Variants in TGFA observed in about 807,000 individuals in gnomAD.
The protein encoded by TGFA is transforming growth factor alpha.
In TGFA, 12 loss-of-function variants were observed where a neutral mutation model predicts 21.7. The observed-to-expected ratio is 0.55, with a 90% CI of 0.35 to 0.90. The LOEUF (loss-of-function observed/expected upper bound fraction) is 0.90, where lower values mean the gene tolerates loss of function less well. Ranked by LOEUF, TGFA falls within the 40% of genes least tolerant of loss-of-function variation. The probability of loss-of-function intolerance (pLI) is 0.01; values close to 1 mark genes in which losing one functional copy is unlikely to be tolerated. For missense variants in TGFA, 178 were observed against 210.8 expected (o/e 0.84, Z 0.96); for synonymous variants, 79 against 88.1 (o/e 0.90, Z 0.58).
intron 1 of TGFA, among the ~76,000 whole-genome samples, chr2:70,515,224 A>AT (rs769573739): frequency 3.5e-4 from 53 of 152,074 alleles, no homozygotes; most frequent in Non-Finnish European, 6.8e-4. Context: ...ATAAATATAT[A>AT]TTTTTTTATG....
In TGFA at chr2:70,465,605, G is replaced by A. The variant is rs1553492048; in HGVS notation, c.215+11C>T. 1 of 1,614,088 alleles carries A rather than the reference G, an allele frequency of 6.2e-7. No individual in the cohort carries two copies. The highest frequency in any genetic ancestry group is 1.3e-5 in the African/African-American group (1 of 75,020). ...CAGCCCCAGATCTCCAGGAGAACAG[G>A]GGATACTTACACACATGCTGGCTTG... On this transcript the variant is annotated intron_variant, in intron 3 of 5. Coordinates refer to ENST00000295400, the MANE Select transcript of TGFA (RefSeq NM_003236.4).
At chr2:70,545,605 T>C (rs186881621) in intron 1 of TGFA, among the ~76,000 whole-genome samples, 19 of 152,260 alleles carry the variant, frequency 1.2e-4, no homozygotes, top group Admixed American at 9.2e-4. Flanking sequence ...AGAAAAATTA[T>C]AGATAAAATA....
intron 1 of TGFA, among the ~76,000 whole-genome samples, chr2:70,519,698 C>G (rs950440268): frequency 6.6e-6 from 1 of 152,210 alleles, no homozygotes; most frequent in African/African-American, 2.4e-5. Flanking sequence ...ATGATTATGA[C>G]ATCACAGGAA....
chr2:70,553,154 C>G (rs919098556), intron 1 of TGFA: 14 of 1,535,222 alleles, frequency 9.1e-6, no homozygotes, highest in Middle Eastern at 1.7e-4. Flanking sequence ...TTAAAGGAAC[C>G]ATTAATCCGC....
intron 2 of TGFA, among the ~76,000 whole-genome samples, chr2:70,512,945 G>T (rs2103849470): frequency 6.6e-6 from 1 of 152,300 alleles, no homozygotes; most frequent in South Asian, 2.1e-4. Context: ...CAGGAGGAAG[G>T]CTTCACCAGA....
intron 3 of TGFA, among the ~76,000 whole-genome samples, chr2:70,461,204 T>G (rs1323655019): frequency 6.6e-6 from 1 of 152,218 alleles, no homozygotes; most frequent in Non-Finnish European, 1.5e-5. Flanking sequence ...TGCCTTTAAC[T>G]GTGCTGTCCT....
chr2:70,548,780 C>T (rs17695836), intron 1 of TGFA, among the ~76,000 whole-genome samples: 13,408 of 152,180 alleles, frequency 0.088, 770 homozygotes, highest in Middle Eastern at 0.18. Flanking sequence ...ACGTGTAATC[C>T]TTAACAGAAT....
intron 1 of TGFA, among the ~76,000 whole-genome samples, chr2:70,532,550 G>A (rs185685172): frequency 4.5e-4 from 68 of 152,326 alleles, no homozygotes; most frequent in African/African-American, 1.6e-3. Flanking sequence ...TCACAAGGGC[G>A]GCTGGTGCCG....
At chr2:70,460,375 CT>C in intron 3 of TGFA, among the ~76,000 whole-genome samples, 1 of 94,152 alleles carries the variant, frequency 1.1e-5, no homozygotes, top group South Asian at 2.9e-4. Context: ...TGGTGACATA[CT>C]TTTTTTAAAA....
At chr2:70,491,360 G>A (rs1468668945) in intron 2 of TGFA, among the ~76,000 whole-genome samples, 2 of 152,162 alleles carry the variant, frequency 1.3e-5, no homozygotes, top group African/African-American at 2.4e-5. Flanking sequence ...TCAGTAAAGT[G>A]TGGGGGGCCC....
At chr2:70,526,468 A>C (rs571566252) in intron 1 of TGFA, among the ~76,000 whole-genome samples, 29 of 152,358 alleles carry the variant, frequency 1.9e-4, no homozygotes, top group African/African-American at 5.8e-4. Flanking sequence ...AGCCACGTGT[A>C]GCAAAGCTGT....
At chr2:70,523,836 G>A (rs1672551464) in intron 1 of TGFA, among the ~76,000 whole-genome samples, 1 of 152,156 alleles carries the variant, frequency 6.6e-6, no homozygotes, top group African/African-American at 2.4e-5. Context: ...TAGAGTCAAT[G>A]CCACTAACAA....
In TGFA at chr2:70,521,617, GTTT is replaced by G. The variant is rs35177436; in HGVS notation, c.41-6708_41-6706del. ...TAGTTTTTTTTGTTGTTGTTTGTTT[GTTT>G]TTTTTTTTTTTTTTTTTTGAGTCTC... On this transcript the variant is annotated intron_variant, in intron 1 of 5. Transcript: ENST00000295400. Among the ~76,000 whole-genome samples the G allele has an allele frequency of 8.0e-5, 7 of 87,094 alleles. No homozygotes were observed. In the East Asian group the frequency reaches 2.3e-3, roughly 28 times the overall value. 57.1% of individuals were successfully genotyped at this position (87,094 alleles called of 152,430 possible).
chr2:70,489,747 G>C (rs1402990440), intron 2 of TGFA, among the ~76,000 whole-genome samples: 7 of 152,166 alleles, frequency 4.6e-5, no homozygotes, highest in Admixed American at 1.3e-4. Context: ...TTATAGTCTA[G>C]GAACTTGCTG....
At chr2:70,539,317 C>T (rs1320821250) in intron 1 of TGFA, among the ~76,000 whole-genome samples, 1 of 152,058 alleles carries the variant, frequency 6.6e-6, no homozygotes, top group East Asian at 1.9e-4. Context: ...TCCATCAAAA[C>T]CCCCGTAAAA....
At chr2:70,472,245 C>G (rs1454048159) in intron 2 of TGFA, among the ~76,000 whole-genome samples, 1 of 152,190 alleles carries the variant, frequency 6.6e-6, no homozygotes, top group Admixed American at 6.5e-5. Context: ...GGACTCTGGC[C>G]CATCTCCTCC....
At chr2:70,501,453 A>G (rs1013070637) in intron 2 of TGFA, among the ~76,000 whole-genome samples, 1 of 152,080 alleles carries the variant, frequency 6.6e-6, no homozygotes, top group Non-Finnish European at 1.5e-5. Context: ...TTCATCTCTG[A>G]TGCCCAGTAC....
intron 1 of TGFA, among the ~76,000 whole-genome samples, chr2:70,521,355 T>A (rs1417661373): frequency 3.9e-5 from 6 of 152,154 alleles, no homozygotes; most frequent in African/African-American, 1.4e-4. Context: ...GCACAAAAAT[T>A]GGCACTCCCA....
At chr2:70,547,998 A>G (rs1673370112) in intron 1 of TGFA, among the ~76,000 whole-genome samples, 1 of 151,918 alleles carries the variant, frequency 6.6e-6, no homozygotes, top group African/African-American at 2.4e-5. Flanking sequence ...CACTTGTCTT[A>G]ATTTTCCAAG....
Sources: gnomAD v4.1 joint callset for allele counts (sites outside exome capture counted in the v4.1 genomes callset) on GRCh38, gnomAD v4.1.1 for gene constraint, MANE v1.5 for transcripts, NCBI Gene and HGNC (gene_info 2026-07-23, HGNC 2026-07-21) for gene names.